Variants in GLRB observed in about 807,000 individuals in gnomAD.
The protein encoded by GLRB is glycine receptor subunit beta.
GLRB carries 33 observed loss-of-function variants against 54.2 expected under a neutral mutation model. The ratio of observed to expected loss-of-function variants is 0.61; its 90% CI spans 0.46 to 0.81. The LOEUF is 0.81. Among genes scored for constraint, GLRB ranks in the 40% least tolerant of loss-of-function variants. The probability of loss-of-function intolerance (pLI) is 0.00; values close to 1 mark genes in which losing one functional copy is unlikely to be tolerated. For synonymous variants in GLRB, 209 were observed against 208.2 expected, an observed-to-expected ratio of 1.00 and a Z score of -0.03; for missense variants, 572 against 584.6, an observed-to-expected ratio of 0.98 and a Z score of 0.22.
At chr4:157,168,388 TG>T (rs1233039388) in intron 9 of GLRB, among the ~76,000 whole-genome samples, 1 of 152,206 alleles carries the variant, frequency 6.6e-6, no homozygotes, top group Non-Finnish European at 1.5e-5. Context: ...ATTTCTCAAT[TG>T]TTCCTTATGA....
Position 157,120,549 on chromosome 4 carries a change from C to G in GLRB, c.123-7C>G. The G allele has an allele frequency of 6.7e-7, 1 of 1,499,458 alleles. No individual in the cohort carries two copies. Among genetic ancestry groups the G allele is most frequent in the Non-Finnish European group, 9.3e-7 (1 of 1,077,856 alleles). 92.9% of individuals were successfully genotyped at this position (1,499,458 alleles called of 1,614,324 possible). On this transcript the variant is annotated splice_polypyrimidine_tract_variant and splice_region_variant and intron_variant, in intron 2 of 9. Transcript: ENST00000264428. ...ACTACTTATCAGGATTTTTCTCTCTCTTATAGTCAGCAGTCAGCAGAGGAC... is the reference window on the plus strand; with the variant it reads ...ACTACTTATCAGGATTTTTCTCTCTGTTATAGTCAGCAGTCAGCAGAGGAC...
At chr4:157,129,007 C>T (rs1467630144) in intron 4 of GLRB, among the ~76,000 whole-genome samples, 2 of 151,788 alleles carry the variant, frequency 1.3e-5, no homozygotes, top group Non-Finnish European at 2.9e-5. Flanking sequence ...ATTCTAACAA[C>T]ATTACAAAAT....
At chr4:157,111,886 C>A (rs1735432201) in intron 2 of GLRB, among the ~76,000 whole-genome samples, 1 of 151,990 alleles carries the variant, frequency 6.6e-6, no homozygotes, top group South Asian at 2.1e-4. Flanking sequence ...CTCATCTCAA[C>A]CTCTCAGCAA....
chr4:157,119,817 C>G (rs1439513320), intron 2 of GLRB, among the ~76,000 whole-genome samples: 1 of 151,754 alleles, frequency 6.6e-6, no homozygotes, highest in Non-Finnish European at 1.5e-5. Context: ...TTGTGGAAGT[C>G]AGTGTGGCGA....
At chr4:157,132,399 T>C (rs1736249469) in intron 4 of GLRB, among the ~76,000 whole-genome samples, 1 of 151,848 alleles carries the variant, frequency 6.6e-6, no homozygotes, top group Non-Finnish European at 1.5e-5. Context: ...CTTATTATGA[T>C]TGATTATATT....
chr4:157,152,675 T>C (rs746393910), intron 8 of GLRB, 43 bp from the exon 9 acceptor site: 6 of 1,508,496 alleles, frequency 4.0e-6, no homozygotes, highest in Middle Eastern at 1.7e-4. Flanking sequence ...GAACATCTCA[T>C]AGGGATAAAA....
At chr4:157,080,870 G>T (rs1294317097) in intron 2 of GLRB, among the ~76,000 whole-genome samples, 1 of 152,004 alleles carries the variant, frequency 6.6e-6, no homozygotes, top group East Asian at 1.9e-4. Context: ...AATCCAGAGT[G>T]AAATCTTCCA....
chr4:157,152,551 A>T (rs1280489575), intron 8 of GLRB, among the ~76,000 whole-genome samples, 167 bp from the exon 9 acceptor site: 3 of 152,170 alleles, frequency 2.0e-5, no homozygotes, highest in Admixed American at 1.3e-4. Flanking sequence ...CCTTACAGAA[A>T]AGGCATGTAC....
intron 2 of GLRB, among the ~76,000 whole-genome samples, chr4:157,112,255 C>T (rs1735448279): frequency 6.6e-6 from 1 of 151,964 alleles, no homozygotes; most frequent in Non-Finnish European, 1.5e-5. Flanking sequence ...TGAATCCAAT[C>T]TGTTTCCAAC....
intron 2 of GLRB, among the ~76,000 whole-genome samples, chr4:157,089,840 A>G (rs767374433): frequency 1.3e-5 from 2 of 148,940 alleles, no homozygotes; most frequent in Middle Eastern, 3.7e-3. Flanking sequence ...AACATATTAA[A>G]CTGGCTTTCC....
At chr4:157,143,984 C>A in intron 8 of GLRB, 25 bp downstream of exon 8, 1 of 1,605,054 alleles carries the variant, frequency 6.2e-7, no homozygotes, top group South Asian at 1.1e-5. Flanking sequence ...GCTTTTTTGT[C>A]ACATCAGGAA....
intron 2 of GLRB, among the ~76,000 whole-genome samples, chr4:157,112,625 G>A (rs1419490670): frequency 6.6e-6 from 1 of 151,932 alleles, no homozygotes; most frequent in African/African-American, 2.4e-5. Context: ...CTTAAACACA[G>A]GAACAGTGGG....
intron 9 of GLRB, among the ~76,000 whole-genome samples, chr4:157,167,087 G>T (rs933502952): frequency 6.6e-6 from 1 of 151,988 alleles, no homozygotes; most frequent in Non-Finnish European, 1.5e-5. Flanking sequence ...AATATACTTG[G>T]TTTTAAGCCA....
chr4:157,134,397 AT>A (rs969261180), intron 4 of GLRB, among the ~76,000 whole-genome samples: 13 of 151,128 alleles, frequency 8.6e-5, no homozygotes, highest in Admixed American at 4.6e-4. Flanking sequence ...TCTCTATACA[AT>A]TTTTTTTTAA....
chr4:157,124,221 T>G (rs979720235), intron 4 of GLRB, among the ~76,000 whole-genome samples: 1 of 151,772 alleles, frequency 6.6e-6, no homozygotes, highest in African/African-American at 2.4e-5. Context: ...CGGTACCAGA[T>G]TCAATAAATT....
At chr4:157,099,882 G>T (rs1734953563) in intron 2 of GLRB, among the ~76,000 whole-genome samples, 1 of 152,086 alleles carries the variant, frequency 6.6e-6, no homozygotes, top group Non-Finnish European at 1.5e-5. Context: ...TTATCTCAGT[G>T]TAGTTTTAAT....
intron 4 of GLRB, among the ~76,000 whole-genome samples, chr4:157,134,004 T>A (rs1193108136): frequency 6.6e-6 from 1 of 151,998 alleles, no homozygotes; most frequent in Non-Finnish European, 1.5e-5. Context: ...TTCCAAAACA[T>A]GTGTGCGTGT....
intron 9 of GLRB, 95 bp from the exon 10 acceptor site, chr4:157,170,337 T>C: frequency 2.7e-6 from 2 of 734,876 alleles, no homozygotes; most frequent in South Asian, 1.7e-5. Context: ...CAAATGCTTC[T>C]TGTAGAAACT....
chr4:157,110,833 A>T (rs1423910765), intron 2 of GLRB, among the ~76,000 whole-genome samples: 1 of 151,900 alleles, frequency 6.6e-6, no homozygotes, highest in Non-Finnish European at 1.5e-5. Flanking sequence ...GGTAGTCTAA[A>T]TCACTGCCTT....
Sources: allele counts gnomAD v4.1 joint callset (sites outside exome capture counted in the v4.1 genomes callset), GRCh38; gene constraint gnomAD v4.1.1; transcripts MANE v1.5; gene names NCBI Gene and HGNC (gene_info 2026-07-23, HGNC 2026-07-21).